STPG2: variants seen among roughly 807,000 people sequenced by gnomAD.
STPG2 encodes the protein sperm tail PG-rich repeat containing 2, also known as sperm-tail PG-rich repeat-containing protein 2.
STPG2 carries 56 observed loss-of-function variants against 54.2 expected under a neutral mutation model. That is an observed-to-expected ratio of 1.03 (90% CI 0.83 to 1.29). The LOEUF (loss-of-function observed/expected upper bound fraction) is 1.29, where lower values mean the gene tolerates loss of function less well. Ranked by LOEUF, STPG2 falls within the 50% of genes most tolerant of loss-of-function variation. The probability of loss-of-function intolerance (pLI) is 0.00; values close to 1 mark genes in which losing one functional copy is unlikely to be tolerated. For missense variants in STPG2, 596 were observed against 544.9 expected, an observed-to-expected ratio of 1.09 and a Z score of -0.93; for synonymous variants, 200 against 181.8, an observed-to-expected ratio of 1.10 and a Z score of -0.81.
At chr4:97,982,482 G>T (rs1471675440) in intron 5 of STPG2, among the ~76,000 whole-genome samples, 2 of 150,876 alleles carry the variant, frequency 1.3e-5, no homozygotes, top group African/African-American at 2.4e-5. Flanking sequence ...CAAAAAAAAT[G>T]CAGATATTTT....
intron 8 of STPG2, among the ~76,000 whole-genome samples, chr4:97,934,365 C>T (rs890425830): frequency 4.6e-5 from 7 of 152,066 alleles, no homozygotes; most frequent in Admixed American, 1.3e-4. Flanking sequence ...CTTCTCTTAC[C>T]TGATTGCCTT....
At chr4:97,977,565 T>C (rs1344572139) in intron 6 of STPG2, among the ~76,000 whole-genome samples, 1 of 152,120 alleles carries the variant, frequency 6.6e-6, no homozygotes, top group Non-Finnish European at 1.5e-5. Context: ...TAGTCATACT[T>C]CAACATAGGG....
chr4:97,669,285 G>A (rs948049216), intron 10 of STPG2, among the ~76,000 whole-genome samples: 1 of 152,104 alleles, frequency 6.6e-6, no homozygotes, highest in Admixed American at 6.6e-5. Flanking sequence ...GATGTTATAT[G>A]TTATAGTCTC....
intron 5 of STPG2, among the ~76,000 whole-genome samples, chr4:98,019,556 A>C (rs916785797): frequency 6.6e-6 from 1 of 151,842 alleles, no homozygotes; most frequent in Non-Finnish European, 1.5e-5. Context: ...CTGTGAAGAA[A>C]GGCATTGGTA....
chr4:97,469,266 A>G (rs1729866850), intron 4 of STPG2, among the ~76,000 whole-genome samples: 1 of 152,148 alleles, frequency 6.6e-6, no homozygotes, highest in Non-Finnish European at 1.5e-5. Flanking sequence ...ATGTTAATAC[A>G]TTAAAGAACT....
At chr4:97,500,520 G>T (rs28452928) in intron 4 of STPG2, among the ~76,000 whole-genome samples, 35,672 of 151,908 alleles carry the variant, frequency 0.23, 9,529 homozygotes, top group African/African-American at 0.66. Flanking sequence ...GGATAGCATT[G>T]AAAGCTCTCA....
At chr4:98,052,124 C>T (rs1737344336) in intron 5 of STPG2, among the ~76,000 whole-genome samples, 1 of 150,786 alleles carries the variant, frequency 6.6e-6, no homozygotes, top group African/African-American at 2.4e-5. Flanking sequence ...TCACATTCAA[C>T]TATAAAACCT....
At chr4:97,864,114 A>T (rs1044418670) in intron 8 of STPG2, among the ~76,000 whole-genome samples, 8 of 152,136 alleles carry the variant, frequency 5.3e-5, no homozygotes, top group Admixed American at 4.6e-4. Context: ...CAGGCAGGAG[A>T]AAGAAATAAA....
chr4:97,582,707 T>C (rs1354918686), intron 10 of STPG2, among the ~76,000 whole-genome samples: 2 of 151,984 alleles, frequency 1.3e-5, no homozygotes, highest in Non-Finnish European at 2.9e-5. Context: ...TGTGGCACAA[T>C]TATAAGTTCA....
intron 8 of STPG2, among the ~76,000 whole-genome samples, chr4:97,877,144 C>T (rs1192013871): frequency 1.3e-5 from 2 of 152,070 alleles, no homozygotes; most frequent in Non-Finnish European, 2.9e-5. Context: ...TATACATTTA[C>T]AATTATGGTC....
chr4:97,906,860 C>A (rs1312187776), intron 8 of STPG2, among the ~76,000 whole-genome samples: 1 of 152,068 alleles, frequency 6.6e-6, no homozygotes, highest in South Asian at 2.1e-4. Flanking sequence ...ATTGATGGGA[C>A]GTATCTCAAA....
intron 5 of STPG2, among the ~76,000 whole-genome samples, chr4:97,999,067 G>A (rs1239043075): frequency 6.6e-6 from 1 of 151,500 alleles, no homozygotes; most frequent in Non-Finnish European, 1.5e-5. Context: ...TTTAGTAATC[G>A]AACCCTGTCT....
chr4:97,457,478 C>T (rs1035701012), intron 4 of STPG2, among the ~76,000 whole-genome samples: 11 of 152,308 alleles, frequency 7.2e-5, no homozygotes, highest in Admixed American at 5.2e-4. Context: ...GGAACATTCC[C>T]CTTTAGCCAA....
chr4:97,454,385 C>A (rs940405785), intron 4 of STPG2, among the ~76,000 whole-genome samples: 1 of 149,832 alleles, frequency 6.7e-6, no homozygotes, highest in Admixed American at 6.6e-5. Flanking sequence ...CGGTGGCGGG[C>A]GCCTGTAGTC....
intron 5 of STPG2, among the ~76,000 whole-genome samples, chr4:98,022,837 C>T (rs1199164651): frequency 6.6e-6 from 1 of 152,190 alleles, no homozygotes; most frequent in Admixed American, 6.5e-5. Flanking sequence ...GCATTCTTCA[C>T]GTAGTTCTCG....
intron 8 of STPG2, among the ~76,000 whole-genome samples, chr4:97,912,392 T>C (rs1390747290): frequency 6.6e-6 from 1 of 152,164 alleles, no homozygotes; most frequent in African/African-American, 2.4e-5. Context: ...GAACATGTTG[T>C]AACCCAACAC....
At chr4:97,947,599 AG>A in intron 7 of STPG2, among the ~76,000 whole-genome samples, 1 of 152,040 alleles carries the variant, frequency 6.6e-6, no homozygotes, top group East Asian at 1.9e-4. Context: ...TAGTTTATTG[AG>A]GGTTTTTAAT....
chr4:97,692,099 A>G (rs1256354290), intron 10 of STPG2, among the ~76,000 whole-genome samples: 1 of 152,126 alleles, frequency 6.6e-6, no homozygotes, highest in East Asian at 1.9e-4. Context: ...CAGAAAAACA[A>G]CTCCAGTAAT....
chr4:97,463,081 T>C (rs1476787668), intron 4 of STPG2, among the ~76,000 whole-genome samples: 1 of 152,206 alleles, frequency 6.6e-6, no homozygotes, highest in Non-Finnish European at 1.5e-5. Flanking sequence ...TCACCATTAT[T>C]CTGTATGCAA....
Sources: allele counts gnomAD v4.1 joint callset (sites outside exome capture counted in the v4.1 genomes callset), GRCh38; gene constraint gnomAD v4.1.1; transcripts MANE v1.5; gene names NCBI Gene and HGNC (gene_info 2026-07-23, HGNC 2026-07-21).